Variants in CCDC163 observed in about 807,000 individuals in gnomAD.
CCDC163 encodes the protein CCDC163 homolog, also known as transmembrane protein CCDC163.
A neutral mutation model predicts 8.2 loss-of-function variants in CCDC163; 13 were observed. That is an observed-to-expected ratio of 1.59 (90% CI 1.04 to 2.54). CCDC163 has a LOEUF of 2.54. CCDC163 is among the 30% of genes most tolerant of loss of function. The pLI, the probability that CCDC163 is intolerant of heterozygous loss-of-function variation, is 0.00. For missense variants in CCDC163, 117 were observed against 78.6 expected (o/e 1.49, Z -1.85); for synonymous variants, 41 against 30.9 (o/e 1.33, Z -1.08).
intron 3 of CCDC163, 132 bp downstream of exon 3, chr1:45,497,167 G>T: frequency 3.7e-6 from 2 of 546,236 alleles, no homozygotes; most frequent in Non-Finnish European, 6.6e-6. Flanking sequence ...GCAACAGAGC[G>T]AGGCTGGGCA....
chr1:45,496,419 GAGTC>G (rs1457647681), intron 4 of CCDC163, 133 bp downstream of exon 4: 2 of 702,332 alleles, frequency 2.8e-6, no homozygotes, highest in East Asian at 5.4e-5. Context: ...GAGAGAGAGA[GAGTC>G]AGCACAGGGA....
At chr1:45,497,669 C>T (rs1553161772) in intron 2 of CCDC163, among the ~76,000 whole-genome samples, 38 of 72,404 alleles carry the variant, frequency 5.2e-4, no homozygotes, top group East Asian at 6.4e-4. Context: ...AAGTGAGGAG[C>T]GTCTCCGCCC....
At chr1:45,495,639 C>A in intron 4 of CCDC163, 3 of 614,904 alleles carry the variant, frequency 4.9e-6, no homozygotes, top group Non-Finnish European at 8.9e-6. Context: ...CAGGCTAGGA[C>A]TCTGGTCTCC....
In CCDC163 at chr1:45,499,704, ACCAC is replaced by A; in HGVS notation, c.-99_-96del. 1.5e-6 allele frequency: 1 copy of A among 685,160 alleles called. No individual in the cohort carries two copies. The highest frequency in any genetic ancestry group is 2.7e-6 in the Non-Finnish European group (1 of 370,618). 42.4% of individuals were successfully genotyped at this position (685,160 alleles called of 1,614,324 possible). A position where few individuals can be genotyped will look rare whatever the true frequency, so the allele number is the denominator to read the frequency against. ...ACCCAAGGTATCCCCAGGAAAGGCC[ACCAC>A]GTTAGATGGAAAGAGGGAAGTGGGG... On this transcript the variant is annotated 5_prime_UTR_variant, in exon 1 of 5. Transcript: ENST00000629482.
chr1:45,497,845 C>T (rs1400948574), intron 2 of CCDC163, among the ~76,000 whole-genome samples: 1 of 146,644 alleles, frequency 6.8e-6, no homozygotes, highest in African/African-American at 2.5e-5. Flanking sequence ...AAGTGAGGAG[C>T]CCCTCTGCCC....
chr1:45,497,713 G>T (rs1557600494), intron 2 of CCDC163, among the ~76,000 whole-genome samples: 1 of 52,350 alleles, frequency 1.9e-5, no homozygotes, highest in Admixed American at 2.3e-4. Context: ...AGGTGGAGGG[G>T]GTCAGCCCCC....
In CCDC163 at chr1:45,499,360, C is replaced by G. The variant is rs1643469950; in HGVS notation, c.162G>C (p.Leu54Phe). ...CATTACTTACCTGCGGTGGAGACCC[C>G]AAGAAGATACAGCCACTGCTACAGA... ...CFFCSSGCIF[L>F]GSPPQNSTAV... The change falls in exon 2 of 5, where the codon TTG (leucine) becomes TTC (phenylalanine). Residue 54 changes from leucine (L) to phenylalanine (F), a missense_variant. Physicochemically the swap from Leu to Phe is conservative, Grantham distance 22 (BLOSUM62 0). Coordinates refer to ENST00000629482, the MANE Select transcript of CCDC163 (RefSeq NM_001102601.3). 1 of 777,500 alleles carries G rather than the reference C, an allele frequency of 1.3e-6. No homozygotes were observed. The highest frequency in any genetic ancestry group is 1.4e-5 in the South Asian group (1 of 73,952). 48.2% of individuals were successfully genotyped at this position (777,500 alleles called of 1,614,324 possible). A position where few individuals can be genotyped will look rare whatever the true frequency, so the allele number is the denominator to read the frequency against.
chr1:45,498,409 A>AT (rs1643428172), intron 2 of CCDC163: 1 of 156,138 alleles, frequency 6.4e-6, no homozygotes, highest in African/African-American at 2.4e-5. Flanking sequence ...AAAAAAAAAA[A>AT]AAAAAAGAAG....
At chr1:45,496,743 C>T (rs1232118503) in intron 3 of CCDC163, 120 bp from the exon 4 acceptor site, 7 of 642,686 alleles carry the variant, frequency 1.1e-5, no homozygotes, top group South Asian at 5.5e-5. Flanking sequence ...GCCATTGGGA[C>T]GCTTCCAAGC....
At chr1:45,497,730 GC>G in intron 2 of CCDC163, among the ~76,000 whole-genome samples, 1 of 30,548 alleles carries the variant, frequency 3.3e-5, no homozygotes, top group Non-Finnish European at 6.4e-5. Context: ...CCCCCGCCAG[GC>G]CAGCCGCCCC....
At chr1:45,496,744 G>C (rs538266291) in intron 3 of CCDC163, 121 bp from the exon 4 acceptor site, 2 of 642,006 alleles carry the variant, frequency 3.1e-6, no homozygotes, top group Admixed American at 2.5e-5. Context: ...CCATTGGGAC[G>C]CTTCCAAGCT....
At chr1:45,497,648 C>G (rs1439093027) in intron 2 of CCDC163, among the ~76,000 whole-genome samples, 6 of 96,626 alleles carry the variant, frequency 6.2e-5, no homozygotes, top group South Asian at 3.8e-4. Context: ...CCGGCCGCCA[C>G]CCCGTCTGGG....
Position 45,494,973 on chromosome 1 carries a change from C to CG in CCDC163, c.*85dup. ...AATAGCTACTTCAAGAAGGTAGGGG[C>CG]GGGCAGCCCAGAAACAGGGCCTTGG... On this transcript the variant is annotated 3_prime_UTR_variant, in exon 5 of 5. Coordinates refer to ENST00000629482, the MANE Select transcript of CCDC163 (RefSeq NM_001102601.3). 1 of 767,840 alleles carries CG rather than the reference C, an allele frequency of 1.3e-6. No individual in the cohort carries two copies. Among genetic ancestry groups the CG allele is most frequent in the Non-Finnish European group, 2.4e-6 (1 of 411,912 alleles). 47.6% of individuals were successfully genotyped at this position (767,840 alleles called of 1,614,324 possible).
At chr1:45,497,087 C>A (rs780416521) in intron 3 of CCDC163, among the ~76,000 whole-genome samples, 1 of 152,154 alleles carries the variant, frequency 6.6e-6, no homozygotes, top group East Asian at 1.9e-4. Flanking sequence ...GCAGGAGAAT[C>A]GCTTGGACTC....
chr1:45,495,433 G>A (rs1654029156), intron 4 of CCDC163: 1 of 702,810 alleles, frequency 1.4e-6, no homozygotes, highest in South Asian at 1.5e-5. Flanking sequence ...TTCCATAAAA[G>A]TTCCCAGCTA....
chr1:45,497,120 C>A (rs1169307152), intron 3 of CCDC163, among the ~76,000 whole-genome samples, 179 bp downstream of exon 3: 3 of 152,060 alleles, frequency 2.0e-5, no homozygotes, highest in African/African-American at 7.2e-5. Flanking sequence ...TTGCAGTGAG[C>A]CAAGATTGCG....
At chr1:45,499,301 A>C (rs1643466372) in intron 2 of CCDC163, 44 bp downstream of exon 2, 1 of 740,016 alleles carries the variant, frequency 1.4e-6, no homozygotes, top group Admixed American at 1.9e-5. Flanking sequence ...GGAGGAAGGC[A>C]CAGAAAGAGA....
intron 4 of CCDC163, chr1:45,496,116 C>T: frequency 3.4e-6 from 1 of 291,978 alleles, no homozygotes; most frequent in Non-Finnish European, 6.6e-6. Context: ...CAGTGCCCGA[C>T]CTGTGAGACA....
chr1:45,495,654 T>G, intron 4 of CCDC163: 1 of 442,494 alleles, frequency 2.3e-6, no homozygotes, highest in Non-Finnish European at 4.1e-6. Context: ...GTCTCCTCCC[T>G]CTTTTTTTTT....
Sources: gnomAD v4.1 joint callset for allele counts (sites outside exome capture counted in the v4.1 genomes callset) on GRCh38, gnomAD v4.1.1 for gene constraint, MANE v1.5 for transcripts, NCBI Gene and HGNC (gene_info 2026-07-23, HGNC 2026-07-21) for gene names.